Variants in HIPK1 observed in about 807,000 individuals in gnomAD.
HIPK1 encodes the protein homeodomain interacting protein kinase 1.
In HIPK1, 28 loss-of-function variants were observed where a neutral mutation model predicts 117.1. The observed-to-expected ratio is 0.24, with a 90% confidence interval of 0.18 to 0.33. HIPK1 has a LOEUF of 0.33. HIPK1 is among the 10% of genes least tolerant of loss of function. The pLI is 1.00. For synonymous variants in HIPK1, 605 were observed against 562.5 expected (o/e 1.08, Z -1.07); for missense variants, 1,122 against 1,475.1 (o/e 0.76, Z 3.92).
At chr1:113,931,640 A>C (rs1342074960) in intron 1 of HIPK1, among the ~76,000 whole-genome samples, 3 of 151,622 alleles carry the variant, frequency 2.0e-5, no homozygotes, top group Non-Finnish European at 2.9e-5. Context: ...CTTCTAAAAG[A>C]AAAAAAAAGA....
At chr1:113,970,657 C>T (rs1185959296) in intron 14 of HIPK1, among the ~76,000 whole-genome samples, 1 of 152,140 alleles carries the variant, frequency 6.6e-6, no homozygotes, top group Non-Finnish European at 1.5e-5. Flanking sequence ...GGTTTTATTA[C>T]CAACCCAATT....
At chr1:113,959,006 C>G (rs746764045) in intron 8 of HIPK1, among the ~76,000 whole-genome samples, 1 of 152,044 alleles carries the variant, frequency 6.6e-6, no homozygotes, top group Non-Finnish European at 1.5e-5. Context: ...GTAATCTAGT[C>G]TGTCCAGTTT....
At position 113,941,596 on chromosome 1, in the gene HIPK1, C is replaced by T; in HGVS notation, c.1076+137C>T. The T allele has an allele frequency of 2.9e-6, 2 of 684,868 alleles. No individual in the cohort carries two copies. The highest frequency in any genetic ancestry group is 4.9e-6 in the Non-Finnish European group (2 of 410,010). 42.4% of individuals were successfully genotyped at this position (684,868 alleles called of 1,614,324 possible). A position where few individuals can be genotyped will look rare whatever the true frequency, so the allele number is the denominator to read the frequency against. ...GAAATAGGATATGTTTTAGCTCATT[C>T]TATGTGTGTGGCATTCCTATATATG... On this transcript the variant is annotated intron_variant, in intron 2 of 15. Transcript: ENST00000426820. This position sits in a 1 kb window ranked among gnomAD's most constrained non-coding sequence, Gnocchi z 4.9.
intron 1 of HIPK1, among the ~76,000 whole-genome samples, chr1:113,938,925 A>ATACACAC (rs1422815479): frequency 3.9e-5 from 1 of 25,974 alleles, no homozygotes; most frequent in East Asian, 2.2e-3. Context: ...AAAAAAAAAA[A>ATACACAC]AAATACACAC....
intron 10 of HIPK1, among the ~76,000 whole-genome samples, chr1:113,964,300 A>G (rs1402471984): frequency 1.3e-5 from 2 of 152,236 alleles, no homozygotes; most frequent in South Asian, 2.1e-4. Context: ...TGCAAATACA[A>G]TATCTTTGTT....
At chr1:113,952,725 T>G (rs1671448170) in intron 2 of HIPK1, 41 bp from the exon 3 acceptor site, 1 of 1,313,474 alleles carries the variant, frequency 7.6e-7, no homozygotes, top group Non-Finnish European at 1.0e-6. Flanking sequence ...TCCCAAATAA[T>G]GTTTTTTTTT....
chr1:113,966,497 A>G (rs910065779), intron 11 of HIPK1, among the ~76,000 whole-genome samples: 3 of 152,202 alleles, frequency 2.0e-5, no homozygotes, highest in African/African-American at 7.2e-5. Flanking sequence ...AGATTTTTTA[A>G]AGAGAGTCTT....
At chr1:113,944,919 C>T (rs1670889986) in intron 2 of HIPK1, among the ~76,000 whole-genome samples, 1 of 152,150 alleles carries the variant, frequency 6.6e-6, no homozygotes, top group Non-Finnish European at 1.5e-5. Flanking sequence ...GCAATCATGG[C>T]TTACTGCAGC....
In HIPK1 at chr1:113,929,348, C is replaced by T; in HGVS notation, c.-187C>T. ...TGACATTTTACAGTTGGATCCCGTACCACCGCCAGGCACCTTTAAATCACC... is the reference window on the plus strand; with the variant it reads ...TGACATTTTACAGTTGGATCCCGTATCACCGCCAGGCACCTTTAAATCACC... On this transcript the variant is annotated 5_prime_UTR_variant, in exon 1 of 16. Transcript: ENST00000426820. 2 of 1,289,524 alleles carry T rather than the reference C, an allele frequency of 1.6e-6. No individual in the cohort carries two copies. The highest frequency in any genetic ancestry group is 1.2e-5 in the South Asian group (1 of 81,036). 79.9% of individuals were successfully genotyped at this position (1,289,524 alleles called of 1,614,324 possible).
chr1:113,938,893 G>T (rs1278056621), intron 1 of HIPK1, among the ~76,000 whole-genome samples: 1 of 127,824 alleles, frequency 7.8e-6, no homozygotes, highest in African/African-American at 3.0e-5. Context: ...TTGGGCTACA[G>T]AGTGAGACTC....
intron 10 of HIPK1, among the ~76,000 whole-genome samples, chr1:113,964,546 A>T (rs1466952582): frequency 6.6e-6 from 1 of 152,218 alleles, no homozygotes; most frequent in Non-Finnish European, 1.5e-5. Flanking sequence ...GGCACTATTG[A>T]ATCCTGTTAT....
At chr1:113,957,855 G>A (rs1437392382) in intron 7 of HIPK1, among the ~76,000 whole-genome samples, 3 of 142,390 alleles carry the variant, frequency 2.1e-5, no homozygotes, top group South Asian at 2.2e-4. Context: ...AGGACCATTC[G>A]TTTTTTTTTT....
chr1:113,951,256 G>T, intron 2 of HIPK1: 2 of 984,826 alleles, frequency 2.0e-6, no homozygotes, highest in Non-Finnish European at 2.4e-6. Flanking sequence ...AATTGCCCTT[G>T]TATTCCACCA....
intron 2 of HIPK1, among the ~76,000 whole-genome samples, chr1:113,949,219 C>T (rs1183045344): frequency 6.6e-6 from 1 of 152,188 alleles, no homozygotes; most frequent in African/African-American, 2.4e-5. Context: ...TTTAAAATGT[C>T]TTTCTAGTAT....
rs1369208317 is a variant in HIPK1, at chr1:113,957,191, C to G, written c.1660C>G (p.Gln554Glu). Residue 554 changes from glutamine to glutamate, a missense_variant, in exon 7 of 16, where the codon CAG becomes GAG. By Grantham distance (29) the Gln-to-Glu change is conservative (BLOSUM62 2). Around this residue, in one of 6 missense-constraint regions of HIPK1, gnomAD observed 731 missense variants for 860.4 expected, o/e 0.85. Coordinates refer to ENST00000426820, the MANE Select transcript of HIPK1 (RefSeq NM_198268.3). ...GGTTCACATGTATGATACAGTGAGT[C>G]AGATCAAGAGTCCCTTCACTACACA... ...RRVHMYDTVS[Q>E]IKSPFTTHVA... 1 of 1,613,162 alleles carries G rather than the reference C, an allele frequency of 6.2e-7. No individual in the cohort carries two copies. The highest frequency in any genetic ancestry group is 8.5e-7 in the Non-Finnish European group (1 of 1,179,176).
chr1:113,935,169 T>C (rs1670173325), intron 1 of HIPK1, among the ~76,000 whole-genome samples: 1 of 152,076 alleles, frequency 6.6e-6, no homozygotes, highest in African/African-American at 2.4e-5. Context: ...TCTGATCCTC[T>C]CCCTTCTCCC....
At chr1:113,960,403 G>A (rs1672020057) in intron 8 of HIPK1, among the ~76,000 whole-genome samples, 1 of 152,140 alleles carries the variant, frequency 6.6e-6, no homozygotes, top group African/African-American at 2.4e-5. Context: ...AGTCACATTT[G>A]TAGGTCAGTA....
intron 3 of HIPK1, among the ~76,000 whole-genome samples, chr1:113,953,550 C>A (rs1335351557): frequency 6.6e-6 from 1 of 152,106 alleles, no homozygotes; most frequent in Non-Finnish European, 1.5e-5. Flanking sequence ...TGGAGTCTTG[C>A]TCTGTCACCC....
At chr1:113,949,096 C>CCA (rs1321280498) in intron 2 of HIPK1, among the ~76,000 whole-genome samples, 1 of 152,162 alleles carries the variant, frequency 6.6e-6, no homozygotes, top group Non-Finnish European at 1.5e-5. Flanking sequence ...CCTTGGCCAC[C>CCA]CACAGTGCTA....
Sources: gnomAD v4.1 joint callset for allele counts (sites outside exome capture counted in the v4.1 genomes callset) on GRCh38, gnomAD v4.1.1 for gene constraint, gnomAD v4.1.1 regional missense constraint, Gnocchi (gnomAD v3.1) non-coding constraint, MANE v1.5 for transcripts, NCBI Gene and HGNC (gene_info 2026-07-23, HGNC 2026-07-21) for gene names.